The following GCNT2 variants were observed in gnomAD, a reference collection of about 807,000 sequenced individuals.
GCNT2 encodes the protein glucosaminyl (N-acetyl) transferase 2 (I blood group).
Under a neutral mutation model 34.2 loss-of-function variants are expected in GCNT2, and 34 were observed. The observed-to-expected ratio is 1.00, with a 90% CI of 0.76 to 1.32. The LOEUF (loss-of-function observed/expected upper bound fraction) is 1.32. Among genes scored for constraint, GCNT2 ranks in the 40% most tolerant of loss-of-function variants. The pLI is 0.00. For synonymous variants in GCNT2, 212 were observed against 188.0 expected, an observed-to-expected ratio of 1.13 and a Z score of -1.04; for missense variants, 584 against 489.4, an observed-to-expected ratio of 1.19 and a Z score of -1.82.
intron 3 of GCNT2, among the ~76,000 whole-genome samples, chr6:10,612,329 G>C (rs1561836956): frequency 6.6e-6 from 1 of 151,998 alleles, no homozygotes; most frequent in African/African-American, 2.4e-5. Flanking sequence ...CTTAACCAGG[G>C]GTGATTTTGC....
intron 3 of GCNT2, among the ~76,000 whole-genome samples, chr6:10,591,534 A>G (rs974933366): frequency 3.9e-5 from 6 of 152,218 alleles, no homozygotes; most frequent in Non-Finnish European, 8.8e-5. Context: ...CACACAGCCA[A>G]CCTGGGCCCA....
intron 3 of GCNT2, among the ~76,000 whole-genome samples, chr6:10,532,086 C>T (rs565281686): frequency 6.6e-6 from 1 of 152,164 alleles, no homozygotes; most frequent in South Asian, 2.1e-4. Context: ...CGGGCAGCTT[C>T]CTCAATGGTG....
At chr6:10,524,401 C>T (rs181097300) in intron 1 of GCNT2, among the ~76,000 whole-genome samples, 250 of 152,020 alleles carry the variant, frequency 1.6e-3, no homozygotes, top group African/African-American at 5.7e-3. Flanking sequence ...AACAGGCATG[C>T]GCCACCACGC....
chr6:10,541,840 T>A (rs1388495753), intron 3 of GCNT2, among the ~76,000 whole-genome samples: 2 of 152,196 alleles, frequency 1.3e-5, no homozygotes, highest in African/African-American at 4.8e-5. Context: ...GTCTTGCTCC[T>A]AAATCATTGA....
At chr6:10,610,920 C>A (rs758178767) in intron 3 of GCNT2, among the ~76,000 whole-genome samples, 30 of 152,132 alleles carry the variant, frequency 2.0e-4, no homozygotes, top group Non-Finnish European at 3.1e-4. Context: ...TTCCTCCTTT[C>A]TTCATTTCAT....
At position 10,528,804 on chromosome 6, in the gene GCNT2, C is replaced by T; in HGVS notation, c.-108C>T. The T allele has an allele frequency of 1.1e-6, 1 of 879,126 alleles. No homozygotes were observed. The highest frequency in any genetic ancestry group is 1.9e-6 in the Non-Finnish European group (1 of 523,454). The allele number at this position is 879,126 out of a possible 1,614,324, so 54.5% of individuals were successfully genotyped here. On this transcript the variant is annotated 5_prime_UTR_variant, in exon 3 of 5. Transcript: ENST00000495262. ...ACAGGGAACAGCCAGACGAGAGCTTCAGCCATCACGAGGATGATTTCGGAA... is the reference window on the plus strand; with the variant it reads ...ACAGGGAACAGCCAGACGAGAGCTTTAGCCATCACGAGGATGATTTCGGAA...
chr6:10,602,233 A>G (rs1341112843), intron 3 of GCNT2, among the ~76,000 whole-genome samples: 1 of 152,208 alleles, frequency 6.6e-6, no homozygotes, highest in African/African-American at 2.4e-5. Flanking sequence ...GAAGTTTTAC[A>G]TTGCTCTTAC....
intron 3 of GCNT2, among the ~76,000 whole-genome samples, chr6:10,531,279 A>G (rs891371535): frequency 6.6e-6 from 1 of 152,196 alleles, no homozygotes. Flanking sequence ...AATAATCTCA[A>G]GTTGTTTATA....
intron 1 of GCNT2, among the ~76,000 whole-genome samples, chr6:10,522,823 C>G (rs9460806): frequency 0.044 from 6,717 of 152,160 alleles, 271 homozygotes; most frequent in African/African-American, 0.1. Flanking sequence ...AACAAAGCCT[C>G]GGGCACGGAG....
intron 3 of GCNT2, chr6:10,556,226 G>T (rs1389601185): frequency 6.9e-7 from 1 of 1,441,400 alleles, no homozygotes; most frequent in South Asian, 1.5e-5. Flanking sequence ...AGAGAGGCGG[G>T]ATCTGGCTGT....
At chr6:10,617,750 CTTTTTTT>C (rs3064178) in intron 3 of GCNT2, among the ~76,000 whole-genome samples, 18 of 101,740 alleles carry the variant, frequency 1.8e-4, no homozygotes, top group Admixed American at 1.0e-4. Flanking sequence ...TGCATTTCTT[CTTTTTTT>C]TTTTTTTTTT....
intron 3 of GCNT2, among the ~76,000 whole-genome samples, chr6:10,565,263 CAGTGCCCTGCTTGTGGG>C (rs1763226226): frequency 6.6e-6 from 1 of 152,230 alleles, no homozygotes; most frequent in African/African-American, 2.4e-5. Context: ...ACAGATCTGA[CAGTGCCCTGCTTGTGGG>C]CAAGTGCTGG....
intron 3 of GCNT2, among the ~76,000 whole-genome samples, chr6:10,590,060 C>T (rs964326393): frequency 6.6e-6 from 1 of 152,160 alleles, no homozygotes; most frequent in African/African-American, 2.4e-5. Context: ...ACCTACTATT[C>T]CCTTGCTCCA....
chr6:10,577,386 G>T (rs1026030855), intron 3 of GCNT2, among the ~76,000 whole-genome samples: 1 of 152,326 alleles, frequency 6.6e-6, no homozygotes, highest in Non-Finnish European at 1.5e-5. Flanking sequence ...AGCAGAGTGG[G>T]ATCTGTCACC....
chr6:10,535,056 T>C (rs1020536718), intron 3 of GCNT2, among the ~76,000 whole-genome samples: 2 of 152,014 alleles, frequency 1.3e-5, no homozygotes, highest in African/African-American at 4.8e-5. Flanking sequence ...TGGTGGTGCA[T>C]GCCTGTAACC....
At chr6:10,623,135 A>G (rs1022148341) in intron 4 of GCNT2, among the ~76,000 whole-genome samples, 6 of 151,030 alleles carry the variant, frequency 4.0e-5, no homozygotes, top group Non-Finnish European at 8.9e-5. Flanking sequence ...CATTACACCA[A>G]CCTCTTTCTC....
At chr6:10,577,477 A>G (rs1763871413) in intron 3 of GCNT2, among the ~76,000 whole-genome samples, 1 of 152,228 alleles carries the variant, frequency 6.6e-6, no homozygotes, top group Non-Finnish European at 1.5e-5. Context: ...AGAAGTGCTC[A>G]TGGGCCAAGT....
At chr6:10,532,169 G>A (rs1274528653) in intron 3 of GCNT2, among the ~76,000 whole-genome samples, 3 of 152,016 alleles carry the variant, frequency 2.0e-5, no homozygotes, top group East Asian at 1.9e-4. Context: ...GATGGCCTCC[G>A]AGTCCCTTCC....
At chr6:10,565,023 G>C (rs757580791) in intron 3 of GCNT2, among the ~76,000 whole-genome samples, 3 of 152,218 alleles carry the variant, frequency 2.0e-5, no homozygotes, top group Non-Finnish European at 2.9e-5. Flanking sequence ...TCTTGGCAAT[G>C]GTAGCACATG....
Sources: gnomAD v4.1 joint callset for allele counts (sites outside exome capture counted in the v4.1 genomes callset) on GRCh38, gnomAD v4.1.1 for gene constraint, MANE v1.5 for transcripts, NCBI Gene and HGNC (gene_info 2026-07-23, HGNC 2026-07-21) for gene names.